The following KAZN variants were observed in gnomAD, a reference collection of about 807,000 sequenced individuals.
The protein encoded by KAZN is kazrin, periplakin interacting protein.
KAZN carries 40 observed loss-of-function variants against 87.4 expected under a neutral mutation model. That is an observed-to-expected ratio of 0.46 (90% confidence interval 0.36 to 0.60). KAZN has a LOEUF of 0.60. Among genes scored for constraint, KAZN ranks in the 20% least tolerant of loss-of-function variants. The probability of loss-of-function intolerance (pLI) is 0.00; values close to 1 mark genes in which losing one functional copy is unlikely to be tolerated. For synonymous variants in KAZN, 466 were observed against 458.3 expected, an observed-to-expected ratio of 1.02 and a Z score of -0.22; for missense variants, 898 against 1,073.9, an observed-to-expected ratio of 0.84 and a Z score of 2.29.
At chr1:14,317,900 T>C (rs1180134351) in intron 2 of KAZN, among the ~76,000 whole-genome samples, 1 of 152,054 alleles carries the variant, frequency 6.6e-6, no homozygotes, top group Non-Finnish European at 1.5e-5. Flanking sequence ...CTTTATTTTT[T>C]AGGGGGCTGT....
intron 1 of KAZN, among the ~76,000 whole-genome samples, chr1:13,938,217 G>A (rs1640812422): frequency 6.6e-6 from 1 of 152,048 alleles, no homozygotes; most frequent in Non-Finnish European, 1.5e-5. Flanking sequence ...TCAGTGTTTT[G>A]TAGTTCTCCT....
chr1:14,088,079 C>T (rs940423656), intron 1 of KAZN, among the ~76,000 whole-genome samples: 8 of 150,076 alleles, frequency 5.3e-5, no homozygotes, highest in African/African-American at 1.7e-4. Flanking sequence ...CTAGGCCTGA[C>T]GATTTGTTTG....
chr1:13,992,203 A>G (rs946167832), intron 1 of KAZN, among the ~76,000 whole-genome samples: 4 of 152,148 alleles, frequency 2.6e-5, no homozygotes, highest in African/African-American at 9.7e-5. Flanking sequence ...CCCCAAATAC[A>G]TGGGCTGTGT....
rs1022556245 is a variant in KAZN at position 13,902,395 on chromosome 1, T to C, written c.91+8639T>C. Among the ~76,000 whole-genome samples, 28 of 152,316 alleles carry C rather than the reference T, an allele frequency of 1.8e-4. 1 individual carries two copies. Among genetic ancestry groups the C allele is most frequent in the African/African-American group, 6.5e-4 (27 of 41,572 alleles). On this transcript the variant is annotated intron_variant, in intron 1 of 16. Coordinates refer to the KAZN transcript ENST00000636203. ...ACTTAGCATTTAGAGTTGGTCTCAT[T>C]CTTGGACATGTGTAGTCAGCCGGCT...
chr1:14,458,263 TC>T (rs1211225963), intron 2 of KAZN, among the ~76,000 whole-genome samples: 1 of 152,264 alleles, frequency 6.6e-6, no homozygotes, highest in African/African-American at 2.4e-5. Flanking sequence ...TTATCATATT[TC>T]TAGCAACCTT....
intron 2 of KAZN, among the ~76,000 whole-genome samples, chr1:14,223,284 C>T (rs759476753): frequency 2.0e-5 from 3 of 152,198 alleles, no homozygotes; most frequent in Non-Finnish European, 4.4e-5. Flanking sequence ...GCATCAAGTT[C>T]TTTTGAAAAT....
At chr1:14,560,345 C>T (rs1403138505) in intron 2 of KAZN, among the ~76,000 whole-genome samples, 6 of 152,164 alleles carry the variant, frequency 3.9e-5, no homozygotes, top group East Asian at 1.9e-4. Flanking sequence ...TAGCTACCTG[C>T]GAGTCAGGTG....
At chr1:14,975,637 T>C (rs1236899333) in intron 2 of KAZN, among the ~76,000 whole-genome samples, 3 of 152,224 alleles carry the variant, frequency 2.0e-5, no homozygotes, top group African/African-American at 7.2e-5. Context: ...GAATATAAAT[T>C]CCACAGATTT....
chr1:14,093,991 A>G (rs1644067398), intron 1 of KAZN, among the ~76,000 whole-genome samples: 1 of 152,160 alleles, frequency 6.6e-6, no homozygotes, highest in African/African-American at 2.4e-5. Flanking sequence ...TGGAATGAGA[A>G]TCTAAATTTC....
rs575689643 is a variant in KAZN, at chr1:14,625,908, C to T, written c.226+26685C>T. On this transcript the variant is annotated intron_variant, in intron 1 of 14. Coordinates refer to ENST00000376030, the MANE Select transcript of KAZN (RefSeq NM_201628.3). ...TTTAGCAATGTCTTTTCTCCCTGGC[C>T]GCACCCATATTCATACCTGGATGTC... 5.3e-5 allele frequency among the ~76,000 whole-genome samples: 8 copies of T among 152,296 alleles called. No homozygotes were observed. In the East Asian group the frequency reaches 1.5e-3, roughly 29 times the overall value.
intron 1 of KAZN, among the ~76,000 whole-genome samples, chr1:14,792,708 T>C (rs1312757878): frequency 3.3e-5 from 5 of 152,104 alleles, no homozygotes; most frequent in African/African-American, 1.2e-4. Flanking sequence ...CTGGGCGCAA[T>C]GGCTCATGCC....
At chr1:14,077,145 C>T (rs1190990257) in intron 1 of KAZN, among the ~76,000 whole-genome samples, 1 of 152,144 alleles carries the variant, frequency 6.6e-6, no homozygotes, top group Non-Finnish European at 1.5e-5. Context: ...CAGAACTCAG[C>T]CTCTGTGTTA....
intron 2 of KAZN, among the ~76,000 whole-genome samples, chr1:14,187,140 T>C (rs961725753): frequency 1.9e-4 from 29 of 152,244 alleles, no homozygotes; most frequent in African/African-American, 6.5e-4. Context: ...TTTACATTGT[T>C]CCATCCAGCC....
chr1:14,959,900 G>A (rs1663638849), intron 1 of KAZN, among the ~76,000 whole-genome samples: 1 of 152,110 alleles, frequency 6.6e-6, no homozygotes, highest in Non-Finnish European at 1.5e-5. Flanking sequence ...GCTTCCTGAG[G>A]CACCCCACAG....
chr1:14,789,811 G>C (rs10803318), intron 1 of KAZN, among the ~76,000 whole-genome samples: 2 of 115,690 alleles, frequency 1.7e-5, no homozygotes, highest in Non-Finnish European at 3.4e-5. Flanking sequence ...CTAGAGCCTA[G>C]ACAGTATCTG....
chr1:14,678,283 T>C (rs897935323), intron 1 of KAZN, among the ~76,000 whole-genome samples: 2 of 152,206 alleles, frequency 1.3e-5, no homozygotes, highest in African/African-American at 4.8e-5. Flanking sequence ...TTGCTGAGTC[T>C]TCCGGCCTTC....
intron 2 of KAZN, among the ~76,000 whole-genome samples, chr1:14,490,717 C>A (rs1267611863): frequency 6.6e-6 from 1 of 152,064 alleles, no homozygotes; most frequent in Non-Finnish European, 1.5e-5. Flanking sequence ...ATTTTTGCAA[C>A]TAATTCTATT....
intron 1 of KAZN, among the ~76,000 whole-genome samples, chr1:14,876,197 T>C (rs1040813016): frequency 2.6e-5 from 4 of 152,176 alleles, no homozygotes; most frequent in African/African-American, 9.7e-5. Flanking sequence ...TTTATGGAAT[T>C]GTCAGTGTTA....
chr1:14,971,795 C>T (rs964905825), intron 2 of KAZN, among the ~76,000 whole-genome samples: 1 of 151,512 alleles, frequency 6.6e-6, no homozygotes, highest in African/African-American at 2.4e-5. Context: ...CATTCGGCAC[C>T]AGGAGTTTTA....
Sources: allele counts gnomAD v4.1 joint callset (sites outside exome capture counted in the v4.1 genomes callset), GRCh38; gene constraint gnomAD v4.1.1; transcripts MANE v1.5; gene names NCBI Gene and HGNC (gene_info 2026-07-23, HGNC 2026-07-21).